The following SRD5A2 variants were observed in gnomAD, a reference collection of about 807,000 sequenced individuals.
SRD5A2 encodes steroid 5 alpha-reductase 2.
In SRD5A2, 30 loss-of-function variants were observed where a neutral mutation model predicts 27.4. That is an observed-to-expected ratio of 1.10 (90% CI 0.82 to 1.49). The LOEUF (loss-of-function observed/expected upper bound fraction) is 1.49. SRD5A2 is among the 40% of genes most tolerant of loss of function. SRD5A2 has a pLI of 0.00. For missense variants in SRD5A2, 348 were observed against 323.4 expected (o/e 1.08, Z -0.58); for synonymous variants, 141 against 133.6 (o/e 1.06, Z -0.38).
chr2:31,639,527 A>G, the SRD5A2 span, among the ~76,000 whole-genome samples: 1 of 152,082 alleles, frequency 6.6e-6, no homozygotes, highest in Non-Finnish European at 1.5e-5. Flanking sequence ...ATACGAAAGG[A>G]TTAGTGGTGC....
the SRD5A2 span, among the ~76,000 whole-genome samples, chr2:31,645,514 A>G: frequency 2.0e-5 from 3 of 152,224 alleles, no homozygotes; most frequent in South Asian, 6.2e-4. Flanking sequence ...TGTAAATTTG[A>G]TTCTCGTTAG....
the SRD5A2 span, among the ~76,000 whole-genome samples, chr2:31,592,186 T>C: frequency 1.3e-5 from 2 of 151,820 alleles, no homozygotes; most frequent in African/African-American, 2.4e-5. Context: ...ATATCTCCCT[T>C]CTACTACCGC....
chr2:31,566,461 A>T (rs1331854462), intron 1 of SRD5A2, among the ~76,000 whole-genome samples: 2 of 151,522 alleles, frequency 1.3e-5, no homozygotes, highest in Non-Finnish European at 3.0e-5. Flanking sequence ...TCTAGTCAAA[A>T]AGATCTGGAA....
Position 31,569,456 on chromosome 2 carries a change from G to C in SRD5A2, c.281+11164C>G, listed in dbSNP as rs547017327. Among the ~76,000 whole-genome samples, 9 of 152,252 alleles carry C rather than the reference G, an allele frequency of 5.9e-5. No individual in the cohort carries two copies. In the South Asian group the frequency reaches 1.9e-3, roughly 32 times the overall value. On this transcript the variant is annotated intron_variant, in intron 1 of 4. Coordinates refer to ENST00000622030, the MANE Select transcript of SRD5A2 (RefSeq NM_000348.4). ...TGAGCCATTCTATCAGACACATAGTGATACCCCATTGTGGTTTAATTTGCA... is the reference window on the plus strand; with the variant it reads ...TGAGCCATTCTATCAGACACATAGTCATACCCCATTGTGGTTTAATTTGCA...
chr2:31,525,798 A>G lies in SRD5A2; in HGVS notation c.*398T>C. 1 of 235,304 alleles carries G rather than the reference A, an allele frequency of 4.2e-6. No homozygotes were observed. Among genetic ancestry groups the G allele is most frequent in the Non-Finnish European group, 8.4e-6 (1 of 119,582 alleles). 14.6% of individuals were successfully genotyped at this position (235,304 alleles called of 1,614,324 possible). On this transcript the variant is annotated 3_prime_UTR_variant, in exon 5 of 5. Transcript: ENST00000622030. Reference sequence around the variant, plus strand: ...CATGTATAAAATGCATACCTTTAATAAGGTCTATAAGTACTGCCTTCAAGT... The same window carrying G: ...CATGTATAAAATGCATACCTTTAATGAGGTCTATAAGTACTGCCTTCAAGT...
chr2:31,598,440 T>C, the SRD5A2 span, among the ~76,000 whole-genome samples: 1 of 151,740 alleles, frequency 6.6e-6, no homozygotes, highest in African/African-American at 2.4e-5. Flanking sequence ...TTCCCAAAAC[T>C]ATAGAAATAA....
intron 1 of SRD5A2, among the ~76,000 whole-genome samples, chr2:31,559,067 C>T (rs559599705): frequency 6.6e-6 from 1 of 152,254 alleles, no homozygotes; most frequent in East Asian, 1.9e-4. Context: ...ATGGCTGGGC[C>T]CCACCACCAT....
At chr2:31,537,456 A>T (rs947631363) in intron 1 of SRD5A2, among the ~76,000 whole-genome samples, 1 of 150,992 alleles carries the variant, frequency 6.6e-6, no homozygotes, top group Non-Finnish European at 1.5e-5. Flanking sequence ...TCAATTTACA[A>T]CTCTCTTCTT....
intron 2 of SRD5A2, 77 bp from the exon 3 acceptor site, chr2:31,531,549 A>C (rs906840795): frequency 2.1e-6 from 2 of 967,750 alleles, no homozygotes; most frequent in Non-Finnish European, 3.2e-6. Flanking sequence ...AAACTAAGCT[A>C]AAATGAAAGG....
chr2:31,561,759 C>A (rs1666628915), intron 1 of SRD5A2, among the ~76,000 whole-genome samples: 1 of 152,016 alleles, frequency 6.6e-6, no homozygotes, highest in Non-Finnish European at 1.5e-5. Flanking sequence ...TGGAGTGAAA[C>A]CTCCCATAGG....
chr2:31,554,634 T>C, intron 1 of SRD5A2, among the ~76,000 whole-genome samples: 1 of 152,186 alleles, frequency 6.6e-6, no homozygotes, highest in East Asian at 1.9e-4. Context: ...CAAGGTGACT[T>C]TGGCTCATCC....
chr2:31,594,361 A>T, the SRD5A2 span, among the ~76,000 whole-genome samples: 69,510 of 151,988 alleles, frequency 0.46, 16,040 homozygotes, highest in Admixed American at 0.48. Flanking sequence ...GGGAAAAGAC[A>T]TTCCATGCAA....
intron 1 of SRD5A2, among the ~76,000 whole-genome samples, chr2:31,540,299 C>CA (rs1364761809): frequency 1.3e-5 from 2 of 151,672 alleles, no homozygotes; most frequent in African/African-American, 4.8e-5. Context: ...AAATATAAAA[C>CA]AAAAAATAAA....
intron 1 of SRD5A2, among the ~76,000 whole-genome samples, chr2:31,538,546 G>C (rs1666070499): frequency 6.6e-6 from 1 of 152,058 alleles, no homozygotes; most frequent in Admixed American, 6.6e-5. Context: ...CTGTAAACTG[G>C]ATCATATTAC....
In SRD5A2 at chr2:31,533,708, T is replaced by C; in HGVS notation, c.340A>G (p.Arg114Gly). Reference protein sequence around the residue: ...GRPYPAILILRGTAFCTGNGV... With the variant: ...GRPYPAILILGGTAFCTGNGV... Reference sequence around the variant, plus strand: ...TTTCCAGTGCAGAAGGCAGTGCCTCTGAGAATGAGTATAGCTGGATAAGGC... The same window carrying C: ...TTTCCAGTGCAGAAGGCAGTGCCTCCGAGAATGAGTATAGCTGGATAAGGC... Residue 114 changes from arginine to glycine, a missense_variant, in exon 2 of 5, where the codon AGA becomes GGA. Arg to Gly is a moderately radical substitution (Grantham distance 125). Coordinates refer to ENST00000622030, the MANE Select transcript of SRD5A2 (RefSeq NM_000348.4). 2 of 1,595,874 alleles carry C rather than the reference T, an allele frequency of 1.3e-6. No homozygotes were observed. Among genetic ancestry groups the C allele is most frequent in the Non-Finnish European group, 1.7e-6 (2 of 1,170,912 alleles).
rs1666341805 is a variant in SRD5A2, at chr2:31,549,543, C to CATAATAAT, written c.282-15778_282-15777insATTATTAT. 2.0e-5 allele frequency among the ~76,000 whole-genome samples: 3 copies of CATAATAAT among 151,736 alleles called. No individual in the cohort carries two copies. In the South Asian group the frequency reaches 6.3e-4, roughly 32 times the overall value. ...AAGTTCTATTATGTGTATTTTGCCA[C>CATAATAAT]AATAAAAAATAATAAATGTTAAAAG... On this transcript the variant is annotated intron_variant, in intron 1 of 4. Coordinates refer to ENST00000622030, the MANE Select transcript of SRD5A2 (RefSeq NM_000348.4).
At chr2:31,648,242 A>G in the SRD5A2 span, among the ~76,000 whole-genome samples, 1 of 152,264 alleles carries the variant, frequency 6.6e-6, no homozygotes, top group African/African-American at 2.4e-5. Context: ...CCAAAATTTC[A>G]AAAGAATTAA....
intron 1 of SRD5A2, among the ~76,000 whole-genome samples, chr2:31,540,055 T>C (rs1159797762): frequency 6.6e-6 from 1 of 152,026 alleles, no homozygotes; most frequent in Non-Finnish European, 1.5e-5. Flanking sequence ...GGAAGAAAAA[T>C]GTGGCATTAC....
intron 1 of SRD5A2, among the ~76,000 whole-genome samples, chr2:31,546,150 T>C (rs1666249738): frequency 6.6e-6 from 1 of 150,886 alleles, no homozygotes; most frequent in Non-Finnish European, 1.5e-5. Context: ...ATTGACTCAA[T>C]ACAATCCCTA....
Sources: allele counts gnomAD v4.1 joint callset (sites outside exome capture counted in the v4.1 genomes callset), GRCh38; gene constraint gnomAD v4.1.1; transcripts MANE v1.5; gene names NCBI Gene and HGNC (gene_info 2026-07-23, HGNC 2026-07-21).